Variants in RAB38 observed in about 807,000 individuals in gnomAD.
RAB38 encodes ras-related protein Rab-38.
A neutral mutation model predicts 18.4 loss-of-function variants in RAB38; 15 were observed. That is an observed-to-expected ratio of 0.82 (90% confidence interval 0.55 to 1.26). The LOEUF is 1.26. Ranked by LOEUF, RAB38 falls within the 50% of genes most tolerant of loss-of-function variation. RAB38 has a pLI of 0.00. For missense variants in RAB38, 294 were observed against 267.4 expected (o/e 1.10, Z -0.69); for synonymous variants, 101 against 104.4 (o/e 0.97, Z 0.20).
chr11:88,107,044 C>T, the RAB38 span, among the ~76,000 whole-genome samples: 1 of 152,152 alleles, frequency 6.6e-6, no homozygotes, highest in Non-Finnish European at 1.5e-5. Flanking sequence ...TACACACCAT[C>T]GTTAAGCTAA....
At chr11:87,974,896 G>A in the RAB38 span, among the ~76,000 whole-genome samples, 1 of 151,870 alleles carries the variant, frequency 6.6e-6, no homozygotes, top group Non-Finnish European at 1.5e-5. Flanking sequence ...TAGGCCTACC[G>A]TAACAAACTA....
chr11:87,827,540 C>G, the RAB38 span, among the ~76,000 whole-genome samples: 1 of 152,056 alleles, frequency 6.6e-6, no homozygotes, highest in East Asian at 1.9e-4. Context: ...TTTACTGAAC[C>G]TAGACTGAAA....
the RAB38 span, among the ~76,000 whole-genome samples, chr11:88,087,987 C>T: frequency 1.7e-3 from 251 of 151,962 alleles, 3 homozygotes; most frequent in African/African-American, 5.9e-3. Context: ...GGTGGTGGTC[C>T]ATCTTCCGTA....
chr11:88,174,562 G>C (rs1258643930), intron 1 of RAB38, among the ~76,000 whole-genome samples: 1 of 120,872 alleles, frequency 8.3e-6, no homozygotes, highest in East Asian at 2.7e-4. Context: ...GAGGGAGAAA[G>C]AATACTTTGC....
the RAB38 span, among the ~76,000 whole-genome samples, chr11:88,017,778 G>A: frequency 6.7e-6 from 1 of 149,426 alleles, no homozygotes; most frequent in East Asian, 1.9e-4. Context: ...GCAATTCCCT[G>A]TGATTTCCTC....
At chr11:87,873,860 G>T in the RAB38 span, among the ~76,000 whole-genome samples, 1 of 145,642 alleles carries the variant, frequency 6.9e-6, no homozygotes, top group Admixed American at 7.0e-5. Flanking sequence ...CAGTGTATAG[G>T]GGTGTGTGTG....
At chr11:88,158,143 T>A (rs1451724497) in intron 1 of RAB38, among the ~76,000 whole-genome samples, 2 of 152,168 alleles carry the variant, frequency 1.3e-5, no homozygotes, top group Non-Finnish European at 2.9e-5. Context: ...CAGAGACTGT[T>A]ATTAACACTT....
chr11:88,108,507 C>T (rs567164710), downstream of RAB38, among the ~76,000 whole-genome samples: 2 of 152,212 alleles, frequency 1.3e-5, no homozygotes, highest in African/African-American at 2.4e-5. Flanking sequence ...AAATATTCCT[C>T]CATCCCTTTA....
intron 1 of RAB38, among the ~76,000 whole-genome samples, chr11:88,160,459 C>T (rs1943177096): frequency 6.6e-6 from 1 of 151,996 alleles, no homozygotes; most frequent in African/African-American, 2.4e-5. Flanking sequence ...ACTTACTAGT[C>T]AATCCAGCAA....
At chr11:88,029,191 T>G in the RAB38 span, among the ~76,000 whole-genome samples, 2 of 151,978 alleles carry the variant, frequency 1.3e-5, no homozygotes, top group Non-Finnish European at 2.9e-5. Context: ...AGAGATTTTG[T>G]CACCACCAGG....
chr11:87,866,398 A>G, the RAB38 span, among the ~76,000 whole-genome samples: 1 of 151,766 alleles, frequency 6.6e-6, no homozygotes, highest in East Asian at 2.0e-4. Context: ...TTTCCATGGC[A>G]TTGCTTTATT....
chr11:88,168,491 A>T (rs878911030), intron 1 of RAB38, among the ~76,000 whole-genome samples: 1 of 152,080 alleles, frequency 6.6e-6, no homozygotes, highest in East Asian at 1.9e-4. Flanking sequence ...TCACTTTTCA[A>T]TGACTAAATA....
the RAB38 span, among the ~76,000 whole-genome samples, chr11:88,095,519 T>C: frequency 2.0e-5 from 3 of 152,042 alleles, no homozygotes; most frequent in Admixed American, 1.3e-4. Context: ...CATTCTTCTA[T>C]GCTATTCCTT....
At chr11:87,915,872 C>G in the RAB38 span, among the ~76,000 whole-genome samples, 1 of 152,086 alleles carries the variant, frequency 6.6e-6, no homozygotes, top group Non-Finnish European at 1.5e-5. Context: ...GAGTCCACCC[C>G]TCACACCAGT....
the RAB38 span, among the ~76,000 whole-genome samples, chr11:88,089,070 AG>A: frequency 6.6e-6 from 1 of 152,014 alleles, no homozygotes; most frequent in African/African-American, 2.4e-5. Context: ...AAGTTTCAAA[AG>A]AAACTATTTA....
chr11:87,881,314 C>T, the RAB38 span, among the ~76,000 whole-genome samples: 2 of 151,882 alleles, frequency 1.3e-5, no homozygotes, highest in Non-Finnish European at 2.9e-5. Context: ...GGGTTATTAA[C>T]TTAAAAGAAA....
chr11:87,937,677 A>T, the RAB38 span, among the ~76,000 whole-genome samples: 5 of 152,130 alleles, frequency 3.3e-5, no homozygotes, highest in South Asian at 4.1e-4. Context: ...TTTTCAAAGA[A>T]TTGATCCATT....
At chr11:88,032,551 C>G in the RAB38 span, among the ~76,000 whole-genome samples, 3,010 of 152,200 alleles carry the variant, frequency 0.02, 119 homozygotes, top group South Asian at 0.059. Flanking sequence ...ACAACCCCAT[C>G]AAAAAGTGGG....
chr11:88,155,256 G>T (rs753322012), intron 1 of RAB38, among the ~76,000 whole-genome samples: 13 of 152,174 alleles, frequency 8.5e-5, no homozygotes, highest in Non-Finnish European at 1.6e-4. Flanking sequence ...ACCACTGTGC[G>T]TTCCAAGAAT....
Sources: allele counts gnomAD v4.1 joint callset (sites outside exome capture counted in the v4.1 genomes callset), GRCh38; gene constraint gnomAD v4.1.1; transcripts MANE v1.5; gene names NCBI Gene and HGNC (gene_info 2026-07-23, HGNC 2026-07-21).